The following DDX31 variants were observed in gnomAD, a reference collection of about 807,000 sequenced individuals.
The protein encoded by DDX31 is DEAD-box helicase 31, also known as ATP-dependent DNA helicase DDX31.
Under a neutral mutation model 91.3 loss-of-function variants are expected in DDX31, and 70 were observed. That is an observed-to-expected ratio of 0.77 (90% CI 0.63 to 0.94). The LOEUF (loss-of-function observed/expected upper bound fraction) is 0.94, where lower values mean the gene tolerates loss of function less well. Among genes scored for constraint, DDX31 ranks in the 40% least tolerant of loss-of-function variants. DDX31 has a pLI of 0.00. For missense variants in DDX31, 902 were observed against 925.0 expected (o/e 0.98, Z 0.32); for synonymous variants, 362 against 350.6 (o/e 1.03, Z -0.36).
intron 14 of DDX31, among the ~76,000 whole-genome samples, chr9:132,641,698 T>A (rs542242090): frequency 6.6e-6 from 1 of 152,360 alleles, no homozygotes; most frequent in South Asian, 2.1e-4. Flanking sequence ...CAGCTCTAAT[T>A]ACTCCCGATA....
At chr9:132,629,106 C>T (rs866216901) in intron 16 of DDX31, among the ~76,000 whole-genome samples, 1 of 152,236 alleles carries the variant, frequency 6.6e-6, no homozygotes. Context: ...TGAGGGAGCT[C>T]AGAACTCAGC....
chr9:132,598,779 G>A (rs1166722548), intron 19 of DDX31, among the ~76,000 whole-genome samples: 1 of 152,148 alleles, frequency 6.6e-6, no homozygotes, highest in Non-Finnish European at 1.5e-5. Flanking sequence ...ATGTTTTATG[G>A]CTTTAGGGTC....
chr9:132,618,871 C>T (rs919418059), intron 17 of DDX31, among the ~76,000 whole-genome samples: 1 of 152,246 alleles, frequency 6.6e-6, no homozygotes, highest in Non-Finnish European at 1.5e-5. Flanking sequence ...TTCATGAGCA[C>T]TCCACAGTGA....
At chr9:132,623,668 T>A (rs372460942) in intron 17 of DDX31, among the ~76,000 whole-genome samples, 2 of 151,434 alleles carry the variant, frequency 1.3e-5, no homozygotes, top group African/African-American at 4.9e-5. Flanking sequence ...TCTGCTACAC[T>A]GCCTCTCCGA....
chr9:132,642,668 T>C (rs1386879758), intron 13 of DDX31, among the ~76,000 whole-genome samples: 1 of 152,034 alleles, frequency 6.6e-6, no homozygotes, highest in Non-Finnish European at 1.5e-5. Context: ...TCCTACTATT[T>C]ATACTATTAA....
intron 19 of DDX31, among the ~76,000 whole-genome samples, chr9:132,606,796 T>C (rs1183334499): frequency 6.6e-6 from 1 of 152,104 alleles, no homozygotes; most frequent in Non-Finnish European, 1.5e-5. Context: ...AGTCGGCATG[T>C]AAGAAACCAG....
chr9:132,623,240 G>A (rs1384096582), intron 17 of DDX31, among the ~76,000 whole-genome samples: 3 of 151,532 alleles, frequency 2.0e-5, no homozygotes, highest in Non-Finnish European at 2.9e-5. Context: ...TCAACTTTAC[G>A]TGCGAAGAAA....
At chr9:132,662,198 G>A (rs2130847393) in intron 3 of DDX31, 63 bp downstream of exon 3, 1 of 1,552,294 alleles carries the variant, frequency 6.4e-7, no homozygotes, top group Middle Eastern at 1.7e-4. Context: ...CCATTTCACA[G>A]ACCTTCTGAA....
chr9:132,635,094 G>T (rs1420316427), intron 14 of DDX31, among the ~76,000 whole-genome samples: 1 of 152,172 alleles, frequency 6.6e-6, no homozygotes, highest in Non-Finnish European at 1.5e-5. Context: ...GTTGCGGTTA[G>T]GCTTTCTGGC....
intron 18 of DDX31, among the ~76,000 whole-genome samples, chr9:132,615,870 A>T (rs1831595714): frequency 6.6e-6 from 1 of 152,264 alleles, no homozygotes; most frequent in South Asian, 2.1e-4. Context: ...AAAATGCAAA[A>T]GGAAAACAAA....
chr9:132,634,109 G>A (rs887875941), intron 14 of DDX31, among the ~76,000 whole-genome samples: 1 of 152,216 alleles, frequency 6.6e-6, no homozygotes, highest in Non-Finnish European at 1.5e-5. Flanking sequence ...TACCATGATA[G>A]AGGCTCACAA....
chr9:132,663,489 TAA>T, intron 1 of DDX31: 1 of 985,440 alleles, frequency 1.0e-6, no homozygotes, highest in Non-Finnish European at 1.2e-6. Flanking sequence ...GGAATGTGCT[TAA>T]ATGCATGATG....
rs1446975294 is a variant in DDX31, at chr9:132,659,598, C to A, written c.523+112G>T. On this transcript the variant is annotated intron_variant, in intron 5 of 19. Transcript: ENST00000372159. ...TAATCAAAAGCATGGCCTCCCTCCC[C>A]CAAACGAAACAAAACTGCCACCACC... 12 of 1,026,048 alleles carry A rather than the reference C, an allele frequency of 1.2e-5. No individual in the cohort carries two copies. In the East Asian group the frequency reaches 2.6e-4, roughly 22 times the overall value. 63.6% of individuals were successfully genotyped at this position (1,026,048 alleles called of 1,614,324 possible).
chr9:132,664,625 C>A, intron 1 of DDX31, among the ~76,000 whole-genome samples: 1 of 151,018 alleles, frequency 6.6e-6, no homozygotes, highest in East Asian at 2.0e-4. Context: ...GGGGGCATCA[C>A]CTGAGCCCGG....
chr9:132,634,159 G>A (rs1004859263), intron 14 of DDX31, among the ~76,000 whole-genome samples: 2 of 152,110 alleles, frequency 1.3e-5, no homozygotes, highest in Non-Finnish European at 2.9e-5. Flanking sequence ...AGGGATCTAG[G>A]GGGATTTTTA....
chr9:132,642,577 A>G (rs1453275052), intron 13 of DDX31, among the ~76,000 whole-genome samples: 1 of 152,012 alleles, frequency 6.6e-6, no homozygotes, highest in East Asian at 1.9e-4. Context: ...CACTACCACC[A>G]GGGACACCTT....
intron 6 of DDX31, chr9:132,658,343 T>C (rs983724545): frequency 1.4e-6 from 1 of 703,354 alleles, no homozygotes; most frequent in Non-Finnish European, 2.6e-6. Context: ...TCGTAAAATG[T>C]GGATAACAGT....
chr9:132,630,796 T>G (rs1832673805), intron 15 of DDX31, among the ~76,000 whole-genome samples: 1 of 152,216 alleles, frequency 6.6e-6, no homozygotes, highest in Non-Finnish European at 1.5e-5. Context: ...GCCTACTTCC[T>G]TGGTAGACAA....
At chr9:132,636,836 CTG>C (rs1027856844) in intron 14 of DDX31, among the ~76,000 whole-genome samples, 8 of 152,202 alleles carry the variant, frequency 5.3e-5, no homozygotes, top group Non-Finnish European at 1.0e-4. Flanking sequence ...GAAGAGAGAA[CTG>C]GACTGCTTGC....
Sources: allele counts gnomAD v4.1 joint callset (sites outside exome capture counted in the v4.1 genomes callset), GRCh38; gene constraint gnomAD v4.1.1; transcripts MANE v1.5; gene names NCBI Gene and HGNC (gene_info 2026-07-23, HGNC 2026-07-21).